Variants in SCO1 observed in about 807,000 individuals in gnomAD.
SCO1 encodes the protein cytochrome c oxidase assembly factor SCO1.
SCO1 carries 23 observed loss-of-function variants against 34.0 expected under a neutral mutation model. The ratio of observed to expected loss-of-function variants is 0.68; its 90% CI spans 0.49 to 0.96. The LOEUF (loss-of-function observed/expected upper bound fraction) is 0.96, where lower values mean the gene tolerates loss of function less well. Ranked by LOEUF, SCO1 falls within the 40% of genes least tolerant of loss-of-function variation. The pLI, the probability that SCO1 is intolerant of heterozygous loss-of-function variation, is 0.00. For synonymous variants in SCO1, 161 were observed against 145.5 expected (o/e 1.11, Z -0.77); for missense variants, 404 against 381.6 (o/e 1.06, Z -0.49).
At chr17:10,693,001 C>A in intron 2 of SCO1, 40 bp from the exon 3 acceptor site, 1 of 1,577,814 alleles carries the variant, frequency 6.3e-7, no homozygotes, top group South Asian at 1.1e-5. Flanking sequence ...AAAAAAAAGT[C>A]AATTTAACCA....
At chr17:10,688,039 A>T (rs2074667517) in intron 4 of SCO1, among the ~76,000 whole-genome samples, 1 of 152,252 alleles carries the variant, frequency 6.6e-6, no homozygotes, top group South Asian at 2.1e-4. Flanking sequence ...ATGCTTAAGT[A>T]TACGTAGTAA....
At chr17:10,691,832 T>TTC in intron 4 of SCO1, 40 bp downstream of exon 4, 1 of 1,371,510 alleles carries the variant, frequency 7.3e-7, no homozygotes, top group Non-Finnish European at 1.0e-6. Flanking sequence ...TCCAAAAACT[T>TTC]TAAGGCTAAA....
intron 2 of SCO1, among the ~76,000 whole-genome samples, chr17:10,694,799 G>A (rs1288572675): frequency 2.6e-5 from 4 of 152,092 alleles, no homozygotes; most frequent in Non-Finnish European, 5.9e-5. Context: ...GAAACTTACT[G>A]CTTATTAGAC....
At chr17:10,692,033 A>T in intron 3 of SCO1, 69 bp from the exon 4 acceptor site, 1 of 1,056,612 alleles carries the variant, frequency 9.5e-7, no homozygotes, top group South Asian at 1.3e-5. Context: ...CAGCAATAAC[A>T]GGAGAGTATA....
intron 4 of SCO1, among the ~76,000 whole-genome samples, chr17:10,691,635 G>C (rs766204547): frequency 6.6e-6 from 1 of 152,184 alleles, no homozygotes; most frequent in African/African-American, 2.4e-5. Flanking sequence ...TGAAGGCCAA[G>C]TTCAAATCCT....
chr17:10,684,954 T>C (rs953605982), intron 5 of SCO1, among the ~76,000 whole-genome samples: 5 of 152,206 alleles, frequency 3.3e-5, no homozygotes, highest in Admixed American at 2.0e-4. Context: ...TTTCTCATCT[T>C]TTACTCCAAG....
Position 10,680,410 on chromosome 17 carries a change from C to T in SCO1, c.*709G>A, listed in dbSNP as rs1404606254. 6.4e-6 allele frequency: 1 copy of T among 155,438 alleles called. No individual in the cohort carries two copies. The highest frequency in any genetic ancestry group is 6.2e-5 in the Admixed American group (1 of 16,016). The allele number at this position is 155,438 out of a possible 1,614,324, so 9.6% of individuals were successfully genotyped here. On this transcript the variant is annotated 3_prime_UTR_variant, in exon 6 of 6. Coordinates refer to ENST00000255390, the MANE Select transcript of SCO1 (RefSeq NM_004589.4). ...ATATGCAGAAAGGTACTCAGCATCACACTCGTGATCAATATCCTCTTATTT... is the reference window on the plus strand; with the variant it reads ...ATATGCAGAAAGGTACTCAGCATCATACTCGTGATCAATATCCTCTTATTT...
rs537059988 is a variant in SCO1 at position 10,676,147 on chromosome 17, A to C, written c.*4972T>G. ...ACTCTTGTTGCCCAGGCTGGAGTGC[A>C]GTGGCGTGATCTCGGCTCACTGCAA... On this transcript the variant is annotated 3_prime_UTR_variant, in exon 6 of 6. Coordinates refer to ENST00000255390, the MANE Select transcript of SCO1 (RefSeq NM_004589.4). The C allele has an allele frequency of 2.0e-5, 3 of 152,044 alleles. No homozygotes were observed. In the East Asian group the frequency reaches 5.8e-4, roughly 29 times the overall value. The allele number at this position is 152,044 out of a possible 1,614,324, so 9.4% of individuals were successfully genotyped here.
chr17:10,686,908 A>T, intron 4 of SCO1, 66 bp from the exon 5 acceptor site: 2 of 1,015,164 alleles, frequency 2.0e-6, no homozygotes, highest in South Asian at 2.5e-5. Flanking sequence ...TCTACTTCAA[A>T]AAATGTATCA....
rs1465031357 is a variant in SCO1 at position 10,673,636 on chromosome 17, C to T, written c.*7483G>A. ...CTCAGTCTATTGCATCAGTGGTTCT[C>T]AGCAGCCTACTGCACTAGGGCCAAC... On this transcript the variant is annotated 3_prime_UTR_variant, in exon 6 of 6. Transcript: ENST00000255390. 1 of 152,236 alleles carries T rather than the reference C, an allele frequency of 6.6e-6. No individual in the cohort carries two copies. The highest frequency in any genetic ancestry group is 2.4e-5 in the African/African-American group (1 of 41,444). The allele number at this position is 152,236 out of a possible 1,614,324, so 9.4% of individuals were successfully genotyped here.
In SCO1 at chr17:10,686,022, C is replaced by T. The variant is rs2074653123; in HGVS notation, c.771+705G>A. On this transcript the variant is annotated intron_variant, in intron 5 of 5. Coordinates refer to ENST00000255390, the MANE Select transcript of SCO1 (RefSeq NM_004589.4). Reference sequence around the variant, plus strand: ...GTGGGCAGGGCAGACCACCTGAGGTCAGGAATTCGAGACCCCCTGGCCTCG... The same window carrying T: ...GTGGGCAGGGCAGACCACCTGAGGTTAGGAATTCGAGACCCCCTGGCCTCG... 3.9e-5 allele frequency among the ~76,000 whole-genome samples: 6 copies of T among 152,064 alleles called. No individual in the cohort carries two copies. In the South Asian group the frequency reaches 1.2e-3, roughly 31 times the overall value.
In SCO1 at chr17:10,697,335, G is replaced by A. The variant is rs758369586; in HGVS notation, c.173C>T (p.Pro58Leu). The A allele has an allele frequency of 2.5e-6, 4 of 1,574,752 alleles. No homozygotes were observed. The highest frequency in any genetic ancestry group is 3.7e-5 in the Admixed American group (2 of 54,116). ...QAEAWRASGRPGYCLGTRPLS... is the reference protein window; with the variant it reads ...QAEAWRASGRLGYCLGTRPLS... ...GGGCCGGGTTCCCAGGCAATAGCCA[G>A]GGCGCCCCGAGGCACGCCACGCCTC... is the stretch of plus-strand genomic sequence containing the variant. Residue 58 changes from proline to leucine, a missense_variant, in exon 1 of 6, where the codon CCT becomes CTT. Transcript: ENST00000255390.
In SCO1 at chr17:10,680,827, T is replaced by G. The variant is rs1597505416; in HGVS notation, c.*292A>C. The G allele has an allele frequency of 2.1e-6, 1 of 469,728 alleles. No homozygotes were observed. Among genetic ancestry groups the G allele is most frequent in the Non-Finnish European group, 3.9e-6 (1 of 257,348 alleles). 29.1% of individuals were successfully genotyped at this position (469,728 alleles called of 1,614,324 possible). ...CAGGCAGGAATGCACTGGCTGTGCC[T>G]CGCCCCGCCATGTCCTTCCACAGGT... On this transcript the variant is annotated 3_prime_UTR_variant, in exon 6 of 6. Coordinates refer to ENST00000255390, the MANE Select transcript of SCO1 (RefSeq NM_004589.4).
At position 10,697,333 on chromosome 17, in the gene SCO1, CAG is replaced by C; in HGVS notation, c.173_174del (p.Pro58ArgfsTer92). ...QAEAWRASGR[P>X]GYCLGTRPLS... ...AGGGGCCGGGTTCCCAGGCAATAGC[CAG>C]GGCGCCCCGAGGCACGCCACGCCTC... On this transcript the variant is annotated frameshift_variant, in exon 1 of 6. Transcript: ENST00000255390. LOFTEE classifies it high-confidence loss of function. The C allele has an allele frequency of 6.4e-7, 1 of 1,573,624 alleles. No individual in the cohort carries two copies. The highest frequency in any genetic ancestry group is 8.6e-7 in the Non-Finnish European group (1 of 1,160,248).
At chr17:10,688,288 A>G (rs1034746647) in intron 4 of SCO1, among the ~76,000 whole-genome samples, 1 of 152,246 alleles carries the variant, frequency 6.6e-6, no homozygotes, top group African/African-American at 2.4e-5. Context: ...TAAATAATAC[A>G]TATACACATA....
chr17:10,682,634 T>C (rs2074629709), intron 5 of SCO1, among the ~76,000 whole-genome samples: 1 of 152,212 alleles, frequency 6.6e-6, no homozygotes, highest in African/African-American at 2.4e-5. Context: ...AACAAAAATA[T>C]TATTTTATCT....
rs967511413 is a variant in SCO1, at chr17:10,673,814, G to A, written c.*7305C>T. On this transcript the variant is annotated 3_prime_UTR_variant, in exon 6 of 6. Coordinates refer to ENST00000255390, the MANE Select transcript of SCO1 (RefSeq NM_004589.4). ...TATTATAACAACTCGATGGAGAAAC[G>A]CTTGGTATACTGTGCTGAATAGAAG... 5 of 152,152 alleles carry A rather than the reference G, an allele frequency of 3.3e-5. No homozygotes were observed. The highest frequency in any genetic ancestry group is 1.2e-4 in the African/African-American group (5 of 41,434). The allele number at this position is 152,152 out of a possible 1,614,324, so 9.4% of individuals were successfully genotyped here.
At chr17:10,689,527 T>C (rs2074678297) in intron 4 of SCO1, among the ~76,000 whole-genome samples, 1 of 152,172 alleles carries the variant, frequency 6.6e-6, no homozygotes, top group Non-Finnish European at 1.5e-5. Flanking sequence ...CTGAAGAAAC[T>C]TGAGTCTAGA....
chr17:10,695,928 A>C (rs1264438159), intron 1 of SCO1, 97 bp from the exon 2 acceptor site: 2 of 867,928 alleles, frequency 2.3e-6, no homozygotes, highest in East Asian at 5.1e-5. Context: ...ACATACACAC[A>C]GGCCATGATG....
Sources: gnomAD v4.1 joint callset for allele counts (sites outside exome capture counted in the v4.1 genomes callset) on GRCh38, gnomAD v4.1.1 for gene constraint, MANE v1.5 for transcripts, NCBI Gene and HGNC (gene_info 2026-07-23, HGNC 2026-07-21) for gene names.